Variants in HMCN1 observed in about 807,000 individuals in gnomAD.
HMCN1 encodes the protein hemicentin-1.
In HMCN1, 321 loss-of-function variants were observed where a neutral mutation model predicts 625.9. That is an observed-to-expected ratio of 0.51 (90% CI 0.47 to 0.56). The LOEUF (loss-of-function observed/expected upper bound fraction) is 0.56. HMCN1 is among the 20% of genes least tolerant of loss of function. The pLI is 0.00. For synonymous variants in HMCN1, 2,425 were observed against 2,417.6 expected, an observed-to-expected ratio of 1.00 and a Z score of -0.09; for missense variants, 6,588 against 6,887.3, an observed-to-expected ratio of 0.96 and a Z score of 1.54.
chr1:186,076,029 T>C (rs1658791387), intron 53 of HMCN1, among the ~76,000 whole-genome samples: 3 of 152,298 alleles, frequency 2.0e-5, no homozygotes, highest in Non-Finnish European at 1.5e-5. Flanking sequence ...TCTTTAGCCT[T>C]CTTAGTAAGC....
intron 11 of HMCN1, among the ~76,000 whole-genome samples, chr1:185,934,284 A>G (rs2102497553): frequency 6.6e-6 from 1 of 152,306 alleles, no homozygotes; most frequent in African/African-American, 2.4e-5. Context: ...AAGGTTTAAG[A>G]TGCTTCTCAT....
chr1:186,044,188 A>G (rs959480213), intron 40 of HMCN1, among the ~76,000 whole-genome samples: 16 of 152,218 alleles, frequency 1.1e-4, no homozygotes, highest in African/African-American at 3.6e-4. Flanking sequence ...TGTGTTACAC[A>G]TTGAAAATAA....
At chr1:186,162,720 G>C (rs1651587687) in intron 97 of HMCN1, among the ~76,000 whole-genome samples, 2 of 152,218 alleles carry the variant, frequency 1.3e-5, no homozygotes, top group South Asian at 2.1e-4. Flanking sequence ...GGTGTCTGCA[G>C]AACAGGGGTT....
intron 30 of HMCN1, among the ~76,000 whole-genome samples, chr1:186,008,139 G>A (rs1316255143): frequency 6.6e-6 from 1 of 152,000 alleles, no homozygotes; most frequent in Non-Finnish European, 1.5e-5. Context: ...TTCTTTCCCA[G>A]GAATTTAAAC....
intron 4 of HMCN1, among the ~76,000 whole-genome samples, chr1:185,899,062 A>C (rs1288086660): frequency 6.6e-6 from 1 of 152,116 alleles, no homozygotes. Context: ...AAAGGGTAAT[A>C]AAATGTGTTT....
Position 186,040,890 on chromosome 1 carries a change from A to G in HMCN1, c.6181-123A>G, listed in dbSNP as rs903234870. The G allele has an allele frequency of 9.9e-6, 10 of 1,013,502 alleles. 1 individual carries two copies. The Admixed American group carries it at 1.4e-4, about 14-fold the overall frequency. 62.8% of individuals were successfully genotyped at this position (1,013,502 alleles called of 1,614,324 possible). On this transcript the variant is annotated intron_variant, in intron 39 of 106. Coordinates refer to ENST00000271588, the MANE Select transcript of HMCN1 (RefSeq NM_031935.3). Reference sequence around the variant, plus strand: ...GATGTTTGCCTACTTAAAAATGTCCAAGGGAAAATCTTCCTAAAAGGCAAA... The same window carrying G: ...GATGTTTGCCTACTTAAAAATGTCCGAGGGAAAATCTTCCTAAAAGGCAAA...
At chr1:186,155,516 G>T (rs1237936729) in intron 97 of HMCN1, among the ~76,000 whole-genome samples, 1 of 152,038 alleles carries the variant, frequency 6.6e-6, no homozygotes, top group Non-Finnish European at 1.5e-5. Flanking sequence ...ACAAATAAGA[G>T]AATTTCTACC....
intron 2 of HMCN1, among the ~76,000 whole-genome samples, chr1:185,855,317 G>T (rs996745182): frequency 1.3e-5 from 2 of 152,136 alleles, no homozygotes; most frequent in African/African-American, 2.4e-5. Context: ...GGGTAAGAAA[G>T]AATTCTCTAA....
Position 186,007,207 on chromosome 1 carries a change from G to A in HMCN1, c.4555G>A (p.Asp1519Asn). The change falls in exon 30 of 107, where the codon GAC becomes AAC. Residue 1519 changes from aspartate to asparagine, a missense_variant. Transcript: ENST00000271588. ...VLHLKNARRNDKGRYQCTVSN... is the reference protein window; with the variant it reads ...VLHLKNARRNNKGRYQCTVSN... ...ACATTTAAAGAATGCACGGAGAAATGACAAGGGGCGCTACCAATGTACTGT... is the reference window on the plus strand; with the variant it reads ...ACATTTAAAGAATGCACGGAGAAATAACAAGGGGCGCTACCAATGTACTGT... The A allele has an allele frequency of 1.2e-6, 2 of 1,613,368 alleles. No homozygotes were observed. The highest frequency in any genetic ancestry group is 8.5e-7 in the Non-Finnish European group (1 of 1,179,398).
intron 36 of HMCN1, among the ~76,000 whole-genome samples, chr1:186,036,857 TG>T (rs1481837172): frequency 8.5e-5 from 13 of 152,084 alleles, no homozygotes; most frequent in Non-Finnish European, 1.9e-4. Flanking sequence ...CCCAAAGTGC[TG>T]GGATTACAGG....
rs1229791978 is a variant in HMCN1 at position 186,016,060 on chromosome 1, C to T, written c.5012C>T (p.Pro1671Leu). ...LECKAAGNPS[P>L]ILTWLKDGVP... ...TGCAAAGCTGCTGGAAACCCTTCTC[C>T]CATTCTCACCTGGTTGAAAGATGGT... The change falls in exon 32 of 107, where the codon CCC (proline) becomes CTC (leucine). Residue 1671 changes from proline to leucine, a missense_variant. Pro to Leu is a moderately conservative substitution (Grantham distance 98). Around this residue, in one of 3 missense-constraint regions of HMCN1, gnomAD observed 4,628 missense variants for 4,853.1 expected, o/e 0.95. Coordinates refer to ENST00000271588, the MANE Select transcript of HMCN1 (RefSeq NM_031935.3). 1.9e-6 allele frequency: 3 copies of T among 1,613,390 alleles called. No individual in the cohort carries two copies. Among genetic ancestry groups the T allele is most frequent in the African/African-American group, 2.7e-5 (2 of 74,884 alleles).
chr1:186,003,922 C>T, intron 29 of HMCN1, 78 bp downstream of exon 29: 4 of 1,366,448 alleles, frequency 2.9e-6, no homozygotes, highest in Non-Finnish European at 4.2e-6. Context: ...GATTTTCTCC[C>T]TCTTAATTAT....
At chr1:186,063,463 AAGGAAGGAAG>A (rs1395579799) in intron 48 of HMCN1, among the ~76,000 whole-genome samples, 11 of 83,356 alleles carry the variant, frequency 1.3e-4, no homozygotes, top group Non-Finnish European at 2.2e-5. Flanking sequence ...GGAAGGAAGG[AAGGAAGGAAG>A]GAAGGAAGGA....
intron 33 of HMCN1, 111 bp downstream of exon 33, chr1:186,017,182 T>C: frequency 2.7e-6 from 2 of 727,742 alleles, no homozygotes; most frequent in Middle Eastern, 2.3e-4. Context: ...GAAATTGTAT[T>C]CTTTATATTC....
At position 185,734,851 on chromosome 1, in the gene HMCN1, G is replaced by A. The variant is rs771676142; in HGVS notation, c.72G>A (p.Ala24=). 3 of 1,613,926 alleles carry A rather than the reference G, an allele frequency of 1.9e-6. No homozygotes were observed. Among genetic ancestry groups the A allele is most frequent in the South Asian group, 2.2e-5 (2 of 91,070 alleles). Residue 24 remains alanine (A), a synonymous_variant, in exon 1 of 107, where the codon GCG becomes GCA. Transcript: ENST00000271588. ...TTTATTCTTCCCTAGCTCAAGATGC[G>A]AGCCCCCAGTCAGAGATCAGAGCTG... ...ALLYSSLAQD[A]SPQSEIRAEE...
chr1:186,016,349 G>A, intron 32 of HMCN1, 110 bp downstream of exon 32: 1 of 1,052,714 alleles, frequency 9.5e-7, no homozygotes, highest in Admixed American at 2.0e-5. Flanking sequence ...AGAAGGTATA[G>A]TCCTCTGTGC....
chr1:186,125,529 G>A (rs1661599846), intron 81 of HMCN1, 75 bp from the exon 82 acceptor site: 2 of 1,131,888 alleles, frequency 1.8e-6, no homozygotes, highest in East Asian at 2.4e-5. Flanking sequence ...AGTTTTTTAT[G>A]TGTTAATTTT....
At chr1:186,130,448 T>G in intron 84 of HMCN1, 59 bp from the exon 85 acceptor site, 3 of 1,533,086 alleles carry the variant, frequency 2.0e-6, no homozygotes, top group Non-Finnish European at 2.7e-6. Flanking sequence ...AGGTCAAAGA[T>G]CACAAAGAAA....
chr1:186,087,399 A>C (rs1050458696), intron 59 of HMCN1, 44 bp from the exon 60 acceptor site: 8 of 1,603,436 alleles, frequency 5.0e-6, no homozygotes, highest in Non-Finnish European at 6.0e-6. Context: ...CTATCTGAGC[A>C]CCTTAATGAA....
Sources: gnomAD v4.1 joint callset for allele counts (sites outside exome capture counted in the v4.1 genomes callset) on GRCh38, gnomAD v4.1.1 for gene constraint, gnomAD v4.1.1 regional missense constraint, MANE v1.5 for transcripts, NCBI Gene and HGNC (gene_info 2026-07-23, HGNC 2026-07-21) for gene names.